ATXN10: variants seen among roughly 807,000 people sequenced by gnomAD.
ATXN10 encodes ataxin-10.
Under a neutral mutation model 52.9 loss-of-function variants are expected in ATXN10, and 28 were observed. That is an observed-to-expected ratio of 0.53 (90% CI 0.39 to 0.73). The LOEUF (loss-of-function observed/expected upper bound fraction) is 0.73, where lower values mean the gene tolerates loss of function less well. Among genes scored for constraint, ATXN10 ranks in the 30% least tolerant of loss-of-function variants. The probability of loss-of-function intolerance (pLI) is 0.00; values close to 1 mark genes in which losing one functional copy is unlikely to be tolerated. For synonymous variants in ATXN10, 226 were observed against 221.5 expected, an observed-to-expected ratio of 1.02 and a Z score of -0.18; for missense variants, 565 against 577.0, an observed-to-expected ratio of 0.98 and a Z score of 0.21.
In ATXN10 at chr22:45,790,385, G is replaced by A. The variant is rs149266848; in HGVS notation, c.1174-16574G>A. On this transcript the variant is annotated intron_variant, in intron 9 of 11. Transcript: ENST00000252934. This position sits in a 1 kb window ranked among gnomAD's most constrained non-coding sequence, Gnocchi z 4.7. ...ATTATCAAAACATTGCCCCCCCGCCGCCCCACACATACACCAGAGTTAGAA... is the reference window on the plus strand; with the variant it reads ...ATTATCAAAACATTGCCCCCCCGCCACCCCACACATACACCAGAGTTAGAA... Among the ~76,000 whole-genome samples the A allele has an allele frequency of 7.9e-5, 12 of 152,012 alleles. No individual in the cohort carries two copies. The highest frequency in any genetic ancestry group is 2.9e-4 in the African/African-American group (12 of 41,458).
rs565127158 is a variant in ATXN10 at position 45,842,194 on chromosome 22, T to C, written c.1238-797T>C. Among the ~76,000 whole-genome samples, 20 of 152,268 alleles carry C rather than the reference T, an allele frequency of 1.3e-4. No homozygotes were observed. The highest frequency in any genetic ancestry group is 3.4e-3 in the Middle Eastern group (1 of 294). The stretch of plus-strand genomic sequence containing the variant: ...GGTCCCTGCAGTAGTTTTTGTACAG[T>C]CCTTTATAGAACTACATATAATAGC... On this transcript the variant is annotated intron_variant, in intron 10 of 11. Coordinates refer to ENST00000252934, the MANE Select transcript of ATXN10 (RefSeq NM_013236.4). The surrounding 1 kb of genome is among the most constrained non-coding windows in gnomAD (Gnocchi z 4.8).
chr22:45,830,570 A>T (rs1049679683), intron 10 of ATXN10, among the ~76,000 whole-genome samples: 3 of 152,200 alleles, frequency 2.0e-5, no homozygotes, highest in Non-Finnish European at 4.4e-5. Flanking sequence ...CTCCAGTAAG[A>T]TATACAAATG....
intron 10 of ATXN10, chr22:45,811,734 C>G: frequency 2.1e-6 from 1 of 471,138 alleles, no homozygotes; most frequent in South Asian, 1.5e-5. Context: ...CATTGCTGGC[C>G]CTGAACTTCG....
chr22:45,738,989 A>G, intron 8 of ATXN10, 150 bp downstream of exon 8: 1 of 753,004 alleles, frequency 1.3e-6, no homozygotes, highest in Non-Finnish European at 2.3e-6. Flanking sequence ...GTGTTGTAAC[A>G]GTTCAGGCAG....
At chr22:45,742,121 G>A (rs1925558911) in intron 9 of ATXN10, among the ~76,000 whole-genome samples, 1 of 151,930 alleles carries the variant, frequency 6.6e-6, no homozygotes, top group Admixed American at 6.6e-5. Flanking sequence ...TGAGATTTGA[G>A]CTCCCACCCT....
chr22:45,676,467 A>G (rs1209315058), intron 1 of ATXN10: 1 of 150,942 alleles, frequency 6.6e-6, no homozygotes, highest in Non-Finnish European at 1.5e-5. Context: ...TAGTTGCATT[A>G]GCCATATTTT....
Position 45,833,785 on chromosome 22 carries a change from A to G in ATXN10, c.1238-9206A>G, listed in dbSNP as rs1038287251. ...AGCTCAGAAACGTGCAGTCATAGCA[A>G]CCCGGAAGAAGAACTGCTCTGCCCT... On this transcript the variant is annotated intron_variant, in intron 10 of 11. Transcript: ENST00000252934. The surrounding 1 kb of genome is among the most constrained non-coding windows in gnomAD (Gnocchi z 4.3). 6.6e-6 allele frequency among the ~76,000 whole-genome samples: 1 copy of G among 152,102 alleles called. No homozygotes were observed. Among genetic ancestry groups the G allele is most frequent in the African/African-American group, 2.4e-5 (1 of 41,396 alleles).
At chr22:45,709,086 T>C (rs1472348087) in intron 5 of ATXN10, among the ~76,000 whole-genome samples, 2 of 152,234 alleles carry the variant, frequency 1.3e-5, no homozygotes, top group Non-Finnish European at 2.9e-5. Context: ...GCCTTATGCA[T>C]GTACATTTTA....
At position 45,843,161 on chromosome 22, in the gene ATXN10, A is replaced by G. The variant is rs749121517; in HGVS notation, c.1408A>G (p.Arg470Gly). The G allele has an allele frequency of 6.8e-6, 11 of 1,613,890 alleles. No homozygotes were observed. The highest frequency in any genetic ancestry group is 9.3e-6 in the Non-Finnish European group (11 of 1,179,884). ...CGAAAAGCTGATCCTGAAATCTACT[A>G]GAGACACCCCTAAGCCAGTAAGTAC... is the stretch of plus-strand genomic sequence containing the variant. ...KGEKLILKST[R>G]DTPKP The change falls in exon 11 of 12, where the codon AGA becomes GGA. Residue 470 changes from arginine (R) to glycine (G), a missense_variant. Transcript: ENST00000252934. The surrounding 1 kb of genome is among the most constrained non-coding windows in gnomAD (Gnocchi z 4.5).
intron 6 of ATXN10, among the ~76,000 whole-genome samples, chr22:45,721,153 A>G (rs1057282681): frequency 7.2e-5 from 11 of 152,320 alleles, no homozygotes; most frequent in Non-Finnish European, 1.5e-4. Flanking sequence ...AATTTTGGAT[A>G]TAGACTCATC....
rs886308958 is a variant in ATXN10 at position 45,765,371 on chromosome 22, C to T, written c.1173+24833C>T. Among the ~76,000 whole-genome samples the T allele has an allele frequency of 5.3e-5, 8 of 152,234 alleles. No individual in the cohort carries two copies. The East Asian group carries it at 1.5e-3, about 29-fold the overall frequency. On this transcript the variant is annotated intron_variant, in intron 9 of 11. Transcript: ENST00000252934. ...TGGCAGGGTTTGTAGTAAAGCGAAA[C>T]TTTGCCAGTCATTAGAAATTAGTTT...
At chr22:45,706,598 G>A (rs1360982080) in intron 5 of ATXN10, among the ~76,000 whole-genome samples, 1 of 137,454 alleles carries the variant, frequency 7.3e-6, no homozygotes, top group Non-Finnish European at 1.6e-5. Context: ...TGTAAATTTT[G>A]GTGTTTGTGC....
At chr22:45,720,493 T>G (rs1445001787) in intron 6 of ATXN10, among the ~76,000 whole-genome samples, 1 of 152,100 alleles carries the variant, frequency 6.6e-6, no homozygotes, top group African/African-American at 2.4e-5. Context: ...TGGGTCACCA[T>G]GCCAGACTAC....
intron 7 of ATXN10, 89 bp from the exon 8 acceptor site, chr22:45,738,642 G>T: frequency 1.2e-4 from 133 of 1,077,118 alleles, no homozygotes; most frequent in East Asian, 3.1e-4. Context: ...TAAATTTATT[G>T]AAATATTTTA....
intron 9 of ATXN10, among the ~76,000 whole-genome samples, chr22:45,803,026 A>G (rs1927978925): frequency 6.6e-6 from 1 of 152,226 alleles, no homozygotes; most frequent in South Asian, 2.1e-4. Flanking sequence ...CCTTGTTCCT[A>G]AATGAACTAA....
Position 45,816,939 on chromosome 22 carries a change from G to A in ATXN10, c.1237+9917G>A, listed in dbSNP as rs1928481322. The stretch of plus-strand genomic sequence containing the variant: ...TATCAGGCCTGCCAAACAGCAGCCG[G>A]AAGGAGGCTCCTCAGGGAAGTGTCT... On this transcript the variant is annotated intron_variant, in intron 10 of 11. Transcript: ENST00000252934. This position sits in a 1 kb window ranked among gnomAD's most constrained non-coding sequence, Gnocchi z 5.8. 6.6e-6 allele frequency among the ~76,000 whole-genome samples: 1 copy of A among 152,220 alleles called. No individual in the cohort carries two copies. The highest frequency in any genetic ancestry group is 1.5e-5 in the Non-Finnish European group (1 of 68,044).
At chr22:45,695,669 A>AT (rs997173772) in intron 3 of ATXN10, among the ~76,000 whole-genome samples, 14 of 151,242 alleles carry the variant, frequency 9.3e-5, no homozygotes, top group African/African-American at 1.9e-4. Context: ...GATTTTTTGT[A>AT]TTTTTTTATT....
rs942460008 is a variant in ATXN10 at position 45,688,816 on chromosome 22, T to C, written c.117-896T>C. ...TTATAGAATCTCTTAAATTGTCCAA[T>C]GTGGCAACTTTCCTTCTAACGTTAA... On this transcript the variant is annotated intron_variant, in intron 1 of 11. Coordinates refer to ENST00000252934, the MANE Select transcript of ATXN10 (RefSeq NM_013236.4). The surrounding 1 kb of genome is among the most constrained non-coding windows in gnomAD (Gnocchi z 4.0). Among the ~76,000 whole-genome samples, 2 of 152,238 alleles carry C rather than the reference T, an allele frequency of 1.3e-5. No individual in the cohort carries two copies. Among genetic ancestry groups the C allele is most frequent in the Non-Finnish European group, 2.9e-5 (2 of 68,040 alleles).
In ATXN10 at chr22:45,750,517, G is replaced by A. The variant is rs1387475264; in HGVS notation, c.1173+9979G>A. On this transcript the variant is annotated intron_variant, in intron 9 of 11. Transcript: ENST00000252934. This position sits in a 1 kb window ranked among gnomAD's most constrained non-coding sequence, Gnocchi z 4.2. Reference sequence around the variant, plus strand: ...AAACCAGCTGTATAAACTGAGAGCTGTACCTTGTTCCTGTATGGAAGTATG... The same window carrying A: ...AAACCAGCTGTATAAACTGAGAGCTATACCTTGTTCCTGTATGGAAGTATG... 6.6e-6 allele frequency among the ~76,000 whole-genome samples: 1 copy of A among 152,154 alleles called. No homozygotes were observed. The highest frequency in any genetic ancestry group is 1.5e-5 in the Non-Finnish European group (1 of 68,032).
Sources: gnomAD v4.1 joint callset for allele counts (sites outside exome capture counted in the v4.1 genomes callset) on GRCh38, gnomAD v4.1.1 for gene constraint, Gnocchi (gnomAD v3.1) non-coding constraint, MANE v1.5 for transcripts, NCBI Gene and HGNC (gene_info 2026-07-23, HGNC 2026-07-21) for gene names.